GRID1: variants seen among roughly 807,000 people sequenced by gnomAD.
GRID1 encodes glutamate receptor ionotropic, delta-1.
In GRID1, 28 loss-of-function variants were observed where a neutral mutation model predicts 98.0. The observed-to-expected ratio is 0.29, with a 90% CI of 0.21 to 0.39. The LOEUF is 0.39. Among genes scored for constraint, GRID1 ranks in the 10% least tolerant of loss-of-function variants. The pLI, the probability that GRID1 is intolerant of heterozygous loss-of-function variation, is 1.00. For synonymous variants in GRID1, 553 were observed against 538.5 expected (o/e 1.03, Z -0.37); for missense variants, 1,111 against 1,340.5 (o/e 0.83, Z 2.67).
At chr10:86,321,478 A>G (rs1012264366) in intron 2 of GRID1, among the ~76,000 whole-genome samples, 1 of 152,218 alleles carries the variant, frequency 6.6e-6, no homozygotes, top group African/African-American at 2.4e-5. Flanking sequence ...TTTTTTAAAA[A>G]AGAAGAAGAA....
intron 4 of GRID1, among the ~76,000 whole-genome samples, chr10:86,031,649 C>T (rs1181699620): frequency 6.6e-6 from 1 of 152,116 alleles, no homozygotes; most frequent in Non-Finnish European, 1.5e-5. Flanking sequence ...AAGCCCCTAC[C>T]ACCTCTTGCC....
chr10:85,920,833 C>T (rs1841692741), intron 4 of GRID1, among the ~76,000 whole-genome samples: 1 of 152,194 alleles, frequency 6.6e-6, no homozygotes. Context: ...TCCCTGCTGT[C>T]TGCAGTTAGA....
intron 4 of GRID1, among the ~76,000 whole-genome samples, chr10:86,074,096 T>C (rs1048954629): frequency 7.2e-5 from 11 of 152,216 alleles, no homozygotes; most frequent in Non-Finnish European, 1.0e-4. Flanking sequence ...CTCTCCACTT[T>C]CTTTTTTATT....
At chr10:85,756,560 G>A (rs1392075195) in intron 8 of GRID1, among the ~76,000 whole-genome samples, 1 of 152,160 alleles carries the variant, frequency 6.6e-6, no homozygotes, top group Admixed American at 6.5e-5. Context: ...TGAATACGCT[G>A]GACAAAGGGA....
At chr10:85,808,158 C>T (rs1170508983) in intron 8 of GRID1, among the ~76,000 whole-genome samples, 1 of 152,074 alleles carries the variant, frequency 6.6e-6, no homozygotes, top group Non-Finnish European at 1.5e-5. Flanking sequence ...TAAACAATTA[C>T]AAGGTTACTC....
At chr10:85,902,013 A>C (rs966944194) in intron 5 of GRID1, among the ~76,000 whole-genome samples, 3 of 152,234 alleles carry the variant, frequency 2.0e-5, no homozygotes, top group African/African-American at 7.2e-5. Context: ...TGGGACATAC[A>C]TAAGCTTGTT....
At chr10:85,737,688 ATAT>A in intron 8 of GRID1, among the ~76,000 whole-genome samples, 1 of 86,778 alleles carries the variant, frequency 1.2e-5, no homozygotes, top group Non-Finnish European at 2.4e-5. Context: ...ATATATGGTT[ATAT>A]ATATATATAT....
chr10:86,328,040 T>C (rs1848078478), intron 2 of GRID1, among the ~76,000 whole-genome samples: 1 of 152,188 alleles, frequency 6.6e-6, no homozygotes, highest in Admixed American at 6.5e-5. Context: ...GTATTCACAG[T>C]TTCATGTATG....
At chr10:85,829,929 T>C (rs1036198682) in intron 8 of GRID1, among the ~76,000 whole-genome samples, 2 of 152,178 alleles carry the variant, frequency 1.3e-5, no homozygotes, top group African/African-American at 4.8e-5. Context: ...GAACTACCAA[T>C]GGCATTCTTC....
At chr10:85,770,575 G>GA (rs1055411090) in intron 8 of GRID1, among the ~76,000 whole-genome samples, 35 of 152,034 alleles carry the variant, frequency 2.3e-4, no homozygotes, top group Non-Finnish European at 2.2e-4. Flanking sequence ...TGAAAACTTT[G>GA]AAAAAAACTT....
At chr10:85,937,861 A>G (rs1402933916) in intron 4 of GRID1, among the ~76,000 whole-genome samples, 1 of 152,194 alleles carries the variant, frequency 6.6e-6, no homozygotes, top group African/African-American at 2.4e-5. Context: ...CAGAATTCCA[A>G]CACTGCCGAG....
At chr10:85,899,826 G>A (rs75747233) in intron 5 of GRID1, among the ~76,000 whole-genome samples, 4,224 of 152,268 alleles carry the variant, frequency 0.028, 168 homozygotes, top group African/African-American at 0.082. Context: ...AAAGTACCCA[G>A]AAGGTTCAGC....
intron 4 of GRID1, among the ~76,000 whole-genome samples, chr10:86,001,288 T>C (rs981859481): frequency 6.6e-6 from 1 of 151,856 alleles, no homozygotes; most frequent in African/African-American, 2.4e-5. Flanking sequence ...AATCTTTATA[T>C]GTGTTAAAAT....
chr10:86,093,717 CA>C (rs1291729627), intron 4 of GRID1, among the ~76,000 whole-genome samples: 2 of 151,570 alleles, frequency 1.3e-5, no homozygotes, highest in African/African-American at 4.8e-5. Flanking sequence ...AAATTACCAA[CA>C]AAAAAAAGTC....
At chr10:85,867,059 C>G (rs1026612673) in intron 6 of GRID1, among the ~76,000 whole-genome samples, 1 of 152,174 alleles carries the variant, frequency 6.6e-6, no homozygotes, top group African/African-American at 2.4e-5. Flanking sequence ...AGGCCCTCAG[C>G]TAGATTCCCC....
chr10:86,117,031 TCACCATCAC>T (rs1844592636), intron 4 of GRID1, among the ~76,000 whole-genome samples: 1 of 149,230 alleles, frequency 6.7e-6, no homozygotes, highest in Non-Finnish European at 1.5e-5. Flanking sequence ...ACTACCACCA[TCACCATCAC>T]CACCATCACC....
At chr10:85,628,110 AATGT>A (rs1842933087) in intron 13 of GRID1, among the ~76,000 whole-genome samples, 1 of 151,184 alleles carries the variant, frequency 6.6e-6, no homozygotes, top group South Asian at 2.1e-4. Flanking sequence ...TGCACGTGAG[AATGT>A]ATGGGTGGGT....
At chr10:85,947,328 G>T (rs1842065796) in intron 4 of GRID1, among the ~76,000 whole-genome samples, 1 of 152,238 alleles carries the variant, frequency 6.6e-6, no homozygotes, top group Non-Finnish European at 1.5e-5. Context: ...CACGGAGCCT[G>T]GGACTGGAGG....
At chr10:85,965,091 C>A (rs955383762) in intron 4 of GRID1, among the ~76,000 whole-genome samples, 1 of 152,170 alleles carries the variant, frequency 6.6e-6, no homozygotes, top group Admixed American at 6.5e-5. Context: ...AAAGAGACAC[C>A]ATCTCATGCC....
Sources: allele counts gnomAD v4.1 joint callset (sites outside exome capture counted in the v4.1 genomes callset), GRCh38; gene constraint gnomAD v4.1.1; transcripts MANE v1.5; gene names NCBI Gene and HGNC (gene_info 2026-07-23, HGNC 2026-07-21).